KCP: variants seen among roughly 807,000 people sequenced by gnomAD.
The protein encoded by KCP is kielin cysteine rich BMP regulator.
In KCP, 194 loss-of-function variants were observed where a neutral mutation model predicts 212.7. That is an observed-to-expected ratio of 0.91 (90% confidence interval 0.81 to 1.03). KCP has a LOEUF of 1.03. Among genes scored for constraint, KCP ranks in the 50% least tolerant of loss-of-function variants. KCP has a pLI of 0.00. For synonymous variants in KCP, 833 were observed against 865.3 expected, an observed-to-expected ratio of 0.96 and a Z score of 0.65; for missense variants, 2,080 against 2,162.5, an observed-to-expected ratio of 0.96 and a Z score of 0.76.
chr7:128,887,746 T>TACACACACACATAAACACACAGCC (rs1793760724), intron 22 of KCP, among the ~76,000 whole-genome samples: 1 of 114,544 alleles, frequency 8.7e-6, no homozygotes, highest in Non-Finnish European at 1.8e-5. Flanking sequence ...CACACTCTCA[T>TACACACACACATAAACACACAGCC]ACACACACAC....
In KCP at chr7:128,889,997, C is replaced by T. The variant is rs567570145; in HGVS notation, c.2335+346G>A. On this transcript the variant is annotated intron_variant, in intron 21 of 39. Coordinates refer to ENST00000610776, the MANE Select transcript of KCP (RefSeq NM_001366122.1). ...AGCCTGGAGTGCAGTGGTGAAAACA[C>T]GGTTCACTGTAGCCTCAAACTCCTG... 7.9e-4 allele frequency: 184 copies of T among 233,892 alleles called. 2 individuals are homozygous for T. The South Asian group carries it at 9.0e-3, about 11-fold the overall frequency. 14.5% of individuals were successfully genotyped at this position (233,892 alleles called of 1,614,324 possible).
intron 11 of KCP, 88 bp from the exon 12 acceptor site, chr7:128,893,564 G>A: frequency 9.0e-7 from 1 of 1,109,546 alleles, no homozygotes; most frequent in Non-Finnish European, 1.3e-6. Context: ...CCCCCACCCT[G>A]ACAAAGAAGA....
intron 29 of KCP, among the ~76,000 whole-genome samples, chr7:128,882,941 G>A (rs996217812): frequency 1.4e-4 from 20 of 147,774 alleles, no homozygotes; most frequent in South Asian, 4.3e-4. Flanking sequence ...GCTTGATGGC[G>A]CATGCCTATA....
chr7:128,886,886 A>C lies in KCP; in HGVS notation c.2679T>G (p.Pro893=). The C allele has an allele frequency of 6.7e-7, 1 of 1,493,868 alleles. No homozygotes were observed. The highest frequency in any genetic ancestry group is 9.1e-7 in the Non-Finnish European group (1 of 1,102,254). The allele number at this position is 1,493,868 out of a possible 1,614,324, so 92.5% of individuals were successfully genotyped here. A position where few individuals can be genotyped will look rare whatever the true frequency, so the allele number is the denominator to read the frequency against. The change falls in exon 24 of 40, where the codon CCT becomes CCG. Residue 893 remains proline, a synonymous_variant. Coordinates refer to ENST00000610776, the MANE Select transcript of KCP (RefSeq NM_001366122.1). Reference sequence around the variant, plus strand: ...AGGAAGGCAGCTCACTGTGGCAAACAGGGCAGAAGCAGGGGCCTGGAGAGG... The same window carrying C: ...AGGAAGGCAGCTCACTGTGGCAAACCGGGCAGAAGCAGGGGCCTGGAGAGG... ...PHPSPGPCFC[P]VCHSCLSQGR...
In KCP at chr7:128,890,480, C is replaced by A; in HGVS notation, c.2198G>T (p.Gly733Val). The change falls in exon 21 of 40, where the codon GGG (glycine) becomes GTG (valine). Residue 733 changes from glycine (G) to valine (V), a missense_variant. Physicochemically the swap from Gly to Val is moderately radical, Grantham distance 109. Transcript: ENST00000610776. Reference protein sequence around the residue: ...CLYQGKEFASGERFPSPTAAC... With the variant: ...CLYQGKEFASVERFPSPTAAC... ...AGCAGTGGGCGATGGGAAGCGCTCC[C>A]CGCTGGCAAACTCCTTCCCCTGGTA... The A allele has an allele frequency of 6.5e-7, 1 of 1,550,374 alleles. No homozygotes were observed. Among genetic ancestry groups the A allele is most frequent in the Middle Eastern group, 1.8e-4 (1 of 5,710 alleles).
chr7:128,880,290 G>A, intron 34 of KCP, 96 bp downstream of exon 34: 2 of 1,419,208 alleles, frequency 1.4e-6, no homozygotes, highest in Non-Finnish European at 1.9e-6. Flanking sequence ...GGCGGCAGGA[G>A]CCCAGCCTCC....
chr7:128,910,627 G>A lies in KCP; in HGVS notation c.50C>T (p.Ala17Val). The A allele has an allele frequency of 6.6e-7, 1 of 1,517,308 alleles. No homozygotes were observed. The highest frequency in any genetic ancestry group is 1.2e-5 in the South Asian group (1 of 81,844). 94.0% of individuals were successfully genotyped at this position (1,517,308 alleles called of 1,614,324 possible). Residue 17 changes from alanine (A) to valine (V), a missense_variant, in exon 1 of 40, where the codon GCC (alanine) becomes GTC (valine). Transcript: ENST00000610776. ...TTCCGCGCCCGCGGCCAGCGCCAGG[G>A]CCCCGAGGTGCAGGAGAAGGGACAG... The part of the protein sequence containing the change: ...AALSLLLHLG[A>V]LALAAGAEGG...
At chr7:128,896,659 G>A (rs1191028830) in intron 8 of KCP, among the ~76,000 whole-genome samples, 1 of 152,042 alleles carries the variant, frequency 6.6e-6, no homozygotes, top group Non-Finnish European at 1.5e-5. Context: ...TTGGGAGGCC[G>A]AGGAGGGCGG....
rs1028761471 is a variant in KCP at position 128,883,982 on chromosome 7, C to T, written c.3244+20G>A. Reference sequence around the variant, plus strand: ...AGCCCTAACCTCATATCTCATCTACCCCCACATCCCTGGACTCACCGGCAC... The same window carrying T: ...AGCCCTAACCTCATATCTCATCTACTCCCACATCCCTGGACTCACCGGCAC... On this transcript the variant is annotated intron_variant, in intron 29 of 39. Transcript: ENST00000610776. The T allele has an allele frequency of 5.2e-6, 8 of 1,545,188 alleles. No homozygotes were observed. The highest frequency in any genetic ancestry group is 1.8e-4 in the Middle Eastern group (1 of 5,492).
chr7:128,885,067 C>G (rs1793562237), intron 27 of KCP, 30 bp downstream of exon 27: 1 of 1,550,410 alleles, frequency 6.4e-7, no homozygotes, highest in Non-Finnish European at 8.7e-7. Flanking sequence ...CCCTCCTCGC[C>G]TTTCCCCTCC....
intron 22 of KCP, 84 bp from the exon 23 acceptor site, chr7:128,887,384 C>T: frequency 9.6e-7 from 1 of 1,042,218 alleles, no homozygotes; most frequent in Non-Finnish European, 1.5e-6. Context: ...TCCCCCTCCA[C>T]ACATACACAG....
In KCP at chr7:128,907,423, G is replaced by C. The variant is rs1277857100; in HGVS notation, c.250C>G (p.Leu84Val). The C allele has an allele frequency of 1.3e-6, 2 of 1,513,162 alleles. No individual in the cohort carries two copies. Among genetic ancestry groups the C allele is most frequent in the Non-Finnish European group, 1.8e-6 (2 of 1,120,602 alleles). 93.7% of individuals were successfully genotyped at this position (1,513,162 alleles called of 1,614,324 possible). A position where few individuals can be genotyped will look rare whatever the true frequency, so the allele number is the denominator to read the frequency against. The change falls in exon 3 of 40, where the codon CTG becomes GTG. Residue 84 changes from leucine to valine, a missense_variant. Coordinates refer to ENST00000610776, the MANE Select transcript of KCP (RefSeq NM_001366122.1). The part of the protein sequence containing the change: ...NKDLQTRVRQ[L>V]ESCECHPASP... ...GCAGGGTGGCACTCACAGGACTCCA[G>C]CTGCCTCACCCTCGTCTGCAGGTCC... is the stretch of plus-strand genomic sequence containing the variant.
chr7:128,907,991 T>C (rs987039148), intron 2 of KCP, among the ~76,000 whole-genome samples: 1 of 151,730 alleles, frequency 6.6e-6, no homozygotes, highest in Non-Finnish European at 1.5e-5. Context: ...TAGCCGGGTA[T>C]GGTGGTGCAC....
intron 8 of KCP, among the ~76,000 whole-genome samples, chr7:128,900,388 G>A (rs1563048866): frequency 6.6e-6 from 1 of 152,114 alleles, no homozygotes; most frequent in Non-Finnish European, 1.5e-5. Context: ...GAGCTCTCTG[G>A]CTGCTGCTCA....
In KCP at chr7:128,880,689, G is replaced by T; in HGVS notation, c.3546C>A (p.Cys1182Ter). 1 of 507,768 alleles carries T rather than the reference G, an allele frequency of 2.0e-6. No individual in the cohort carries two copies. Among genetic ancestry groups the T allele is most frequent in the Non-Finnish European group, 3.3e-6 (1 of 306,222 alleles). 31.5% of individuals were successfully genotyped at this position (507,768 alleles called of 1,614,324 possible). A position where few individuals can be genotyped will look rare whatever the true frequency, so the allele number is the denominator to read the frequency against. The change falls in exon 33 of 40, where the codon TGC becomes TGA. Residue 1182 changes from cysteine (C) to a stop codon, truncating the protein, a stop_gained. Coordinates refer to ENST00000610776, the MANE Select transcript of KCP (RefSeq NM_001366122.1). LOFTEE classifies it high-confidence loss of function. Reference sequence around the variant, plus strand: ...AGCCATGGGGGCAGGAGAGGGCCTGGCACTCCTCGAGGTGGCACTCCACAT... The same window carrying T: ...AGCCATGGGGGCAGGAGAGGGCCTGTCACTCCTCGAGGTGGCACTCCACAT... ...RGHVECHLEECQALSCPHGWA... is the reference protein window; with the variant it reads ...RGHVECHLEE
rs910754790 is a variant in KCP, at chr7:128,880,733, C to T, written c.3514-12G>A. The T allele has an allele frequency of 2.4e-6, 1 of 418,624 alleles. No homozygotes were observed. Among genetic ancestry groups the T allele is most frequent in the African/African-American group, 2.0e-5 (1 of 48,908 alleles). The allele number at this position is 418,624 out of a possible 1,614,324, so 25.9% of individuals were successfully genotyped here. The stretch of plus-strand genomic sequence containing the variant: ...TCCACATGGCCCCGCTGAGGACAGA[C>T]ATCATTGTTCTGGGGTTTTCTGCAG... On this transcript the variant is annotated splice_polypyrimidine_tract_variant and intron_variant, in intron 32 of 39. Transcript: ENST00000610776.
At chr7:128,893,729 G>T in intron 11 of KCP, 77 bp downstream of exon 11, 1 of 1,454,620 alleles carries the variant, frequency 6.9e-7, no homozygotes. Context: ...AGGTCCAAGA[G>T]AAGCAAATCC....
intron 1 of KCP, 37 bp from the exon 2 acceptor site, chr7:128,908,605 G>T: frequency 6.5e-7 from 1 of 1,538,730 alleles, no homozygotes; most frequent in Non-Finnish European, 8.8e-7. Context: ...GCCTGAGGGT[G>T]AGGGGCTGGC....
Position 128,893,021 on chromosome 7 carries a change from G to T in KCP, c.1268C>A (p.Ala423Asp). ...AAACTCCTCTCCATCCAGCTCACAG[G>T]CTGTAGTAAGGGGGCTGTCACATGG... ...LPASGRQLCP[A>D]CELDGEEFAE... The change falls in exon 14 of 40, where the codon GCC becomes GAC. Residue 423 changes from alanine (A) to aspartate (D), a missense_variant and splice_region_variant. Coordinates refer to ENST00000610776, the MANE Select transcript of KCP (RefSeq NM_001366122.1). 1.1e-6 allele frequency: 1 copy of T among 917,258 alleles called. No individual in the cohort carries two copies. Among genetic ancestry groups the T allele is most frequent in the Non-Finnish European group, 1.8e-6 (1 of 567,536 alleles). 56.8% of individuals were successfully genotyped at this position (917,258 alleles called of 1,614,324 possible).
Sources: allele counts gnomAD v4.1 joint callset (sites outside exome capture counted in the v4.1 genomes callset), GRCh38; gene constraint gnomAD v4.1.1; transcripts MANE v1.5; gene names NCBI Gene and HGNC (gene_info 2026-07-23, HGNC 2026-07-21).